The following DENND1B variants were observed in gnomAD, a reference collection of about 807,000 sequenced individuals.
DENND1B encodes DENN domain containing 1B.
DENND1B carries 59 observed loss-of-function variants against 90.1 expected under a neutral mutation model. The observed-to-expected ratio is 0.65, with a 90% CI of 0.53 to 0.81. The LOEUF is 0.81. Ranked by LOEUF, DENND1B falls within the 40% of genes least tolerant of loss-of-function variation. The pLI is 0.00. For missense variants in DENND1B, 862 were observed against 912.6 expected, an observed-to-expected ratio of 0.94 and a Z score of 0.71; for synonymous variants, 337 against 324.6, an observed-to-expected ratio of 1.04 and a Z score of -0.41.
intron 2 of DENND1B, among the ~76,000 whole-genome samples, chr1:197,745,255 A>C (rs1663604116): frequency 1.3e-5 from 2 of 152,226 alleles, no homozygotes; most frequent in Admixed American, 1.3e-4. Context: ...AGTCGGGTGC[A>C]AAAGGCCTGG....
chr1:197,754,838 C>A (rs888174285), intron 2 of DENND1B, among the ~76,000 whole-genome samples: 1 of 151,946 alleles, frequency 6.6e-6, no homozygotes, highest in Non-Finnish European at 1.5e-5. Flanking sequence ...AGATGTGTAA[C>A]AGATTGTTCA....
At chr1:197,626,224 T>C (rs1325773322) in intron 10 of DENND1B, among the ~76,000 whole-genome samples, 2 of 152,068 alleles carry the variant, frequency 1.3e-5, no homozygotes, top group Non-Finnish European at 2.9e-5. Flanking sequence ...TATACATTTT[T>C]TTCAGCACCA....
intron 5 of DENND1B, among the ~76,000 whole-genome samples, chr1:197,671,443 C>G (rs1655497317): frequency 6.6e-6 from 1 of 152,128 alleles, no homozygotes; most frequent in South Asian, 2.1e-4. Context: ...AAGCTCATGA[C>G]ACAACTAAAA....
rs1302654798 is a variant in DENND1B, at chr1:197,510,750, G to T, written c.2038C>A (p.Pro680Thr). The part of the protein sequence containing the change: ...KHLGADNVSD[P>T]TSGLDFQLTS... ...AGTTGGAAATCCAGTCCTGAAGTAG[G>T]GTCACTCACATTGTCAGCACCGAGG... Residue 680 changes from proline to threonine, a missense_variant, in exon 23 of 23, where the codon CCT becomes ACT. Transcript: ENST00000620048. The T allele has an allele frequency of 6.2e-7, 1 of 1,612,502 alleles. No homozygotes were observed. Among genetic ancestry groups the T allele is most frequent in the Non-Finnish European group, 8.5e-7 (1 of 1,179,190 alleles).
intron 15 of DENND1B, among the ~76,000 whole-genome samples, chr1:197,580,344 C>T (rs1674119785): frequency 2.0e-5 from 3 of 150,790 alleles, no homozygotes; most frequent in Non-Finnish European, 4.4e-5. Context: ...ATGATCCACC[C>T]GTCTCGGTCT....
At chr1:197,593,820 TA>T (rs1358235309) in intron 14 of DENND1B, among the ~76,000 whole-genome samples, 1 of 152,134 alleles carries the variant, frequency 6.6e-6, no homozygotes, top group Non-Finnish European at 1.5e-5. Context: ...AGTAAAGTGA[TA>T]TTTTTAACTT....
chr1:197,527,022 T>G (rs779378853), intron 20 of DENND1B, among the ~76,000 whole-genome samples: 113 of 152,194 alleles, frequency 7.4e-4, no homozygotes, highest in Non-Finnish European at 1.4e-3. Context: ...TAATCAAATT[T>G]AATATTTTGG....
intron 6 of DENND1B, among the ~76,000 whole-genome samples, chr1:197,657,275 A>G (rs1476141394): frequency 6.6e-6 from 1 of 152,200 alleles, no homozygotes; most frequent in Non-Finnish European, 1.5e-5. Flanking sequence ...CAGACCTTCT[A>G]CAACTTTTGA....
intron 3 of DENND1B, among the ~76,000 whole-genome samples, chr1:197,696,416 A>G (rs1267728153): frequency 6.6e-6 from 1 of 151,570 alleles, no homozygotes; most frequent in East Asian, 1.9e-4. Context: ...TTATCATGGA[A>G]GCACATACTA....
chr1:197,655,511 T>C (rs1256902890), intron 6 of DENND1B, among the ~76,000 whole-genome samples: 3 of 152,106 alleles, frequency 2.0e-5, no homozygotes, highest in Non-Finnish European at 4.4e-5. Context: ...TTAGGTTTGT[T>C]TCAAAAGATA....
chr1:197,560,684 C>G (rs1672087732), intron 15 of DENND1B, among the ~76,000 whole-genome samples: 1 of 151,860 alleles, frequency 6.6e-6, no homozygotes, highest in Admixed American at 6.6e-5. Flanking sequence ...AAAATCCCAT[C>G]AGCCATAATG....
chr1:197,570,679 G>A (rs1673072734), intron 15 of DENND1B, among the ~76,000 whole-genome samples: 2 of 152,180 alleles, frequency 1.3e-5, no homozygotes, highest in Middle Eastern at 3.4e-3. Flanking sequence ...GTCATAAAGA[G>A]GTTACCTTTA....
intron 2 of DENND1B, chr1:197,735,693 C>T (rs371103652): frequency 1.9e-6 from 3 of 1,614,036 alleles, no homozygotes; most frequent in Admixed American, 1.7e-5. Flanking sequence ...ACACGGGAGG[C>T]GCTACGCCAG....
intron 15 of DENND1B, among the ~76,000 whole-genome samples, chr1:197,556,012 A>G (rs997504871): frequency 3.3e-5 from 5 of 152,156 alleles, no homozygotes; most frequent in African/African-American, 1.2e-4. Flanking sequence ...ACCATGGAAT[A>G]CTTTGCAGCC....
At chr1:197,591,871 G>A (rs1195560170) in intron 14 of DENND1B, among the ~76,000 whole-genome samples, 1 of 152,036 alleles carries the variant, frequency 6.6e-6, no homozygotes, top group Non-Finnish European at 1.5e-5. Context: ...AGCACTCTGG[G>A]AGGCCGAGGC....
intron 14 of DENND1B, among the ~76,000 whole-genome samples, chr1:197,588,766 T>C (rs988147871): frequency 2.6e-5 from 4 of 152,182 alleles, no homozygotes; most frequent in Non-Finnish European, 4.4e-5. Context: ...GCTATTATTA[T>C]GTAAGATACA....
intron 12 of DENND1B, 114 bp from the exon 13 acceptor site, chr1:197,607,288 A>C: frequency 1.6e-6 from 1 of 621,014 alleles, no homozygotes. Flanking sequence ...AAAAGAAAAA[A>C]GGAAAATCCT....
At chr1:197,669,484 G>C (rs567069610) in intron 5 of DENND1B, among the ~76,000 whole-genome samples, 1 of 152,104 alleles carries the variant, frequency 6.6e-6, no homozygotes, top group Admixed American at 6.6e-5. Flanking sequence ...CCAATTTTCT[G>C]AATAAGATGC....
intron 15 of DENND1B, among the ~76,000 whole-genome samples, chr1:197,564,874 A>G (rs1672492043): frequency 6.6e-6 from 1 of 152,010 alleles, no homozygotes; most frequent in East Asian, 1.9e-4. Context: ...GAGAAACACT[A>G]TTTAGGATAT....
Sources: allele counts gnomAD v4.1 joint callset (sites outside exome capture counted in the v4.1 genomes callset), GRCh38; gene constraint gnomAD v4.1.1; transcripts MANE v1.5; gene names NCBI Gene and HGNC (gene_info 2026-07-23, HGNC 2026-07-21).